GRIA4: variants seen among roughly 807,000 people sequenced by gnomAD.
The protein encoded by GRIA4 is glutamate receptor 4.
Under a neutral mutation model 104.0 loss-of-function variants are expected in GRIA4, and 34 were observed. That is an observed-to-expected ratio of 0.33 (90% CI 0.25 to 0.44). The LOEUF (loss-of-function observed/expected upper bound fraction) is 0.44. Among genes scored for constraint, GRIA4 ranks in the 20% least tolerant of loss-of-function variants. The pLI, the probability that GRIA4 is intolerant of heterozygous loss-of-function variation, is 1.00. For synonymous variants in GRIA4, 386 were observed against 381.9 expected (o/e 1.01, Z -0.13); for missense variants, 750 against 1,096.5 (o/e 0.68, Z 4.46).
chr11:105,672,405 T>C (rs904494270), intron 3 of GRIA4, among the ~76,000 whole-genome samples: 4 of 152,138 alleles, frequency 2.6e-5, no homozygotes, highest in African/African-American at 4.8e-5. Context: ...ACTTTATTTA[T>C]GTTAATGAGA....
chr11:105,944,078 G>A (rs950965185), intron 14 of GRIA4, among the ~76,000 whole-genome samples: 4 of 152,104 alleles, frequency 2.6e-5, no homozygotes, highest in African/African-American at 9.7e-5. Flanking sequence ...AACGATTAAA[G>A]TTCACAGGAT....
At chr11:105,722,429 A>C (rs1937886814) in intron 3 of GRIA4, among the ~76,000 whole-genome samples, 1 of 152,132 alleles carries the variant, frequency 6.6e-6, no homozygotes. Context: ...TTCTACTTAT[A>C]ATCGGTTTGT....
chr11:105,811,989 C>T lies in GRIA4; in HGVS notation c.488-50035C>T, dbSNP rs1044673507. On this transcript the variant is annotated intron_variant, in intron 4 of 16. Coordinates refer to ENST00000282499, the MANE Select transcript of GRIA4 (RefSeq NM_000829.4). ...CCATGCTTTTTAGGAAAGGAATCTG[C>T]AGACCGTGATTTTAGAGTAAGATGC... is the stretch of plus-strand genomic sequence containing the variant. 2.6e-5 allele frequency among the ~76,000 whole-genome samples: 4 copies of T among 152,170 alleles called. No individual in the cohort carries two copies. The East Asian group carries it at 7.7e-4, about 29-fold the overall frequency.
intron 4 of GRIA4, among the ~76,000 whole-genome samples, chr11:105,856,723 A>G (rs966060927): frequency 2.0e-4 from 30 of 152,198 alleles, no homozygotes; most frequent in Non-Finnish European, 2.2e-4. Context: ...TTAAAGATTT[A>G]AAGTATCAAA....
intron 4 of GRIA4, among the ~76,000 whole-genome samples, chr11:105,813,049 G>T (rs529977222): frequency 1.4e-5 from 2 of 140,228 alleles, no homozygotes; most frequent in Admixed American, 1.5e-4. Context: ...AGCCAAGATC[G>T]TGCCACTGCA....
At chr11:105,696,637 T>A (rs983016517) in intron 3 of GRIA4, among the ~76,000 whole-genome samples, 1 of 152,176 alleles carries the variant, frequency 6.6e-6, no homozygotes, top group Admixed American at 6.5e-5. Context: ...CCATTTCTCA[T>A]CTCTTACTGA....
rs151131330 is a variant in GRIA4 at position 105,792,009 on chromosome 11, C to A, written c.487+38789C>A. On this transcript the variant is annotated intron_variant, in intron 4 of 16. Coordinates refer to ENST00000282499, the MANE Select transcript of GRIA4 (RefSeq NM_000829.4). ...CAAATGAAAATAGAAGCAGCAATAT[C>A]ACTTACCCTTAGGTAGCTGAATTCT... is the stretch of plus-strand genomic sequence containing the variant. Among the ~76,000 whole-genome samples, 594 of 152,170 alleles carry A rather than the reference C, an allele frequency of 3.9e-3. 3 individuals are homozygous for A. Among genetic ancestry groups the A allele is most frequent in the African/African-American group, 0.014 (566 of 41,526 alleles).
chr11:105,713,275 T>C (rs1953978228), intron 3 of GRIA4, among the ~76,000 whole-genome samples: 1 of 151,702 alleles, frequency 6.6e-6, no homozygotes, highest in African/African-American at 2.4e-5. Flanking sequence ...CCCAGCTACG[T>C]AGGACGCTGA....
At chr11:105,822,100 G>GT (rs1189808733) in intron 4 of GRIA4, among the ~76,000 whole-genome samples, 1 of 152,138 alleles carries the variant, frequency 6.6e-6, no homozygotes, top group Non-Finnish European at 1.5e-5. Flanking sequence ...CTGTGCCTTT[G>GT]TAGACGTAGG....
intron 4 of GRIA4, among the ~76,000 whole-genome samples, chr11:105,789,061 T>G (rs538738641): frequency 6.6e-6 from 1 of 152,092 alleles, no homozygotes; most frequent in East Asian, 1.9e-4. Context: ...GTAGATAAAA[T>G]AATTTAATGG....
intron 3 of GRIA4, among the ~76,000 whole-genome samples, chr11:105,638,316 T>C (rs1951264810): frequency 6.6e-6 from 1 of 152,134 alleles, no homozygotes; most frequent in Non-Finnish European, 1.5e-5. Flanking sequence ...TGTGTTCAAC[T>C]ACAGGCTAAC....
chr11:105,793,085 T>C (rs983567981), intron 4 of GRIA4, among the ~76,000 whole-genome samples: 1 of 152,178 alleles, frequency 6.6e-6, no homozygotes, highest in African/African-American at 2.4e-5. Flanking sequence ...TCTCATAATT[T>C]CATTTAAAAT....
chr11:105,846,139 C>A (rs1455340533), intron 4 of GRIA4, among the ~76,000 whole-genome samples: 2 of 152,086 alleles, frequency 1.3e-5, no homozygotes, highest in Non-Finnish European at 2.9e-5. Context: ...CCTGACCTAA[C>A]AATATTTAAG....
At chr11:105,633,874 T>C (rs7107914) in intron 3 of GRIA4, among the ~76,000 whole-genome samples, 148,917 of 152,246 alleles carry the variant, frequency 0.98, 72,919 homozygotes, top group East Asian at 1. Flanking sequence ...TAGAAATGAC[T>C]TGGAAACTGA....
chr11:105,662,858 A>G (rs1210787340), intron 3 of GRIA4, among the ~76,000 whole-genome samples: 1 of 151,892 alleles, frequency 6.6e-6, no homozygotes, highest in African/African-American at 2.4e-5. Flanking sequence ...TACTGAGAGC[A>G]ACAGAAGGGC....
chr11:105,815,197 C>T (rs553564639), intron 4 of GRIA4, among the ~76,000 whole-genome samples: 2 of 152,154 alleles, frequency 1.3e-5, no homozygotes, highest in Non-Finnish European at 2.9e-5. Flanking sequence ...TCTCCAGTTA[C>T]ATGAATCAAT....
chr11:105,651,711 C>T (rs1360351172), intron 3 of GRIA4, among the ~76,000 whole-genome samples: 1 of 151,834 alleles, frequency 6.6e-6, no homozygotes, highest in Non-Finnish European at 1.5e-5. Flanking sequence ...CTGCACACTT[C>T]TGCTTGAGGT....
chr11:105,879,471 A>G (rs999674111), intron 5 of GRIA4, among the ~76,000 whole-genome samples: 1 of 152,206 alleles, frequency 6.6e-6, no homozygotes, highest in Non-Finnish European at 1.5e-5. Context: ...GTCATTTTCA[A>G]TATACATTTG....
At chr11:105,679,322 AAATAGCCAG>A (rs1952637866) in intron 3 of GRIA4, among the ~76,000 whole-genome samples, 1 of 152,194 alleles carries the variant, frequency 6.6e-6, no homozygotes, top group South Asian at 2.1e-4. Flanking sequence ...ACCCTCAGAG[AAATAGCCAG>A]AATAATATTT....
Sources: allele counts gnomAD v4.1 joint callset (sites outside exome capture counted in the v4.1 genomes callset), GRCh38; gene constraint gnomAD v4.1.1; transcripts MANE v1.5; gene names NCBI Gene and HGNC (gene_info 2026-07-23, HGNC 2026-07-21).